TMEM248: variants seen among roughly 807,000 people sequenced by gnomAD.
TMEM248 encodes UPF0458 protein C7orf42.
A neutral mutation model predicts 30.3 loss-of-function variants in TMEM248; 9 were observed. The ratio of observed to expected loss-of-function variants is 0.30; its 90% CI spans 0.18 to 0.52. TMEM248 has a LOEUF of 0.52. Ranked by LOEUF, TMEM248 falls within the 20% of genes least tolerant of loss-of-function variation. The pLI is 0.97. For synonymous variants in TMEM248, 184 were observed against 154.4 expected, an observed-to-expected ratio of 1.19 and a Z score of -1.42; for missense variants, 338 against 403.3, an observed-to-expected ratio of 0.84 and a Z score of 1.39.
intron 4 of TMEM248, 147 bp from the exon 5 acceptor site, chr7:66,950,805 T>C: frequency 1.8e-6 from 1 of 560,976 alleles, no homozygotes; most frequent in Non-Finnish European, 2.9e-6. Context: ...ATGGTATTTA[T>C]CTCAAAGAAG....
intron 1 of TMEM248, among the ~76,000 whole-genome samples, chr7:66,935,575 C>T (rs1459823372): frequency 6.6e-6 from 1 of 152,214 alleles, no homozygotes; most frequent in Non-Finnish European, 1.5e-5. Flanking sequence ...CGGAGTCTTA[C>T]TTTGTTGTGC....
rs143469057 is a variant in TMEM248, at chr7:66,948,636, G to A, written c.538G>A (p.Val180Met). 5.0e-6 allele frequency: 8 copies of A among 1,614,134 alleles called. No individual in the cohort carries two copies. Among genetic ancestry groups the A allele is most frequent in the Non-Finnish European group, 6.8e-6 (8 of 1,179,988 alleles). The change falls in exon 4 of 7, where the codon GTG (valine) becomes ATG (methionine). Residue 180 changes from valine (V) to methionine (M), a missense_variant. Val to Met is a conservative substitution (Grantham distance 21, BLOSUM62 1). Coordinates refer to ENST00000341567, the MANE Select transcript of TMEM248 (RefSeq NM_017994.5). ...CGCCCTCCACGGTCACTGTGAGCAGGTGGTATTCACAGCCTGCATGACCCT... is the reference window on the plus strand; with the variant it reads ...CGCCCTCCACGGTCACTGTGAGCAGATGGTATTCACAGCCTGCATGACCCT... ...DCALHGHCEQVVFTACMTLTA... is the reference protein window; with the variant it reads ...DCALHGHCEQMVFTACMTLTA...
intron 1 of TMEM248, among the ~76,000 whole-genome samples, chr7:66,931,884 A>G (rs1261579659): frequency 7.1e-6 from 1 of 139,978 alleles, no homozygotes; most frequent in Non-Finnish European, 1.5e-5. Flanking sequence ...GGCTCACTGC[A>G]AGCTCCGTCT....
At chr7:66,927,639 T>TTA (rs1554334825) in intron 1 of TMEM248, among the ~76,000 whole-genome samples, 166 of 150,110 alleles carry the variant, frequency 1.1e-3, no homozygotes, top group Middle Eastern at 3.4e-3. Flanking sequence ...TTTTTTTTTT[T>TTA]AGGGACGGGG....
chr7:66,940,521 C>T (rs1170902206), intron 1 of TMEM248, among the ~76,000 whole-genome samples: 1 of 152,220 alleles, frequency 6.6e-6, no homozygotes, highest in Non-Finnish European at 1.5e-5. Flanking sequence ...CCAAAGCGAT[C>T]CACAGATTCA....
chr7:66,954,282 A>G (rs536435984), intron 6 of TMEM248, among the ~76,000 whole-genome samples: 1 of 151,808 alleles, frequency 6.6e-6, no homozygotes, highest in African/African-American at 2.4e-5. Flanking sequence ...TGTAAATACT[A>G]TGTAAATAGT....
At chr7:66,937,931 G>C (rs1449569886) in intron 1 of TMEM248, among the ~76,000 whole-genome samples, 1 of 152,028 alleles carries the variant, frequency 6.6e-6, no homozygotes, top group Non-Finnish European at 1.5e-5. Context: ...ACTGACTGTT[G>C]GTCAGGCTGG....
intron 1 of TMEM248, among the ~76,000 whole-genome samples, 196 bp downstream of exon 1, chr7:66,921,657 G>T (rs1791388278): frequency 6.6e-6 from 1 of 152,234 alleles, no homozygotes; most frequent in Admixed American, 6.5e-5. Flanking sequence ...CCCCACACTG[G>T]GGTTTGCCCA....
chr7:66,941,142 G>A (rs1288450674), intron 1 of TMEM248, among the ~76,000 whole-genome samples: 1 of 152,054 alleles, frequency 6.6e-6, no homozygotes, highest in East Asian at 1.9e-4. Flanking sequence ...CAGCACTTTG[G>A]GGGGCCAAGG....
intron 1 of TMEM248, among the ~76,000 whole-genome samples, chr7:66,941,593 C>T (rs1301158289): frequency 4.1e-5 from 6 of 146,564 alleles, no homozygotes; most frequent in Admixed American, 7.0e-5. Flanking sequence ...CACACACACA[C>T]ACACAATATT....
intron 5 of TMEM248, 123 bp downstream of exon 5, chr7:66,951,258 T>A: frequency 1.1e-6 from 1 of 912,560 alleles, no homozygotes. Flanking sequence ...TCTGCCACTT[T>A]AGATTTCCAG....
rs369608291 is a variant in TMEM248, at chr7:66,927,624, GTTT to G, written c.-19+6176_-19+6178del. Among the ~76,000 whole-genome samples the G allele has an allele frequency of 1.5e-3, 187 of 126,306 alleles. 1 individual carries two copies. The highest frequency in any genetic ancestry group is 5.2e-3 in the African/African-American group (177 of 34,312). 82.9% of individuals were successfully genotyped at this position (126,306 alleles called of 152,430 possible). ...GCTAATTTTTTTTAATTTGGGTTTTGTTTTTTTTTTTTTTTAGGGACGGGGTCT... is the reference window on the plus strand; with the variant it reads ...GCTAATTTTTTTTAATTTGGGTTTTGTTTTTTTTTTTTAGGGACGGGGTCT... On this transcript the variant is annotated intron_variant, in intron 1 of 6. Transcript: ENST00000341567.
intron 1 of TMEM248, chr7:66,930,833 G>A (rs1434435713): frequency 3.3e-5 from 5 of 152,596 alleles, no homozygotes; most frequent in Non-Finnish European, 7.3e-5. Flanking sequence ...AGACATCACA[G>A]GATATTTGAG....
intron 1 of TMEM248, among the ~76,000 whole-genome samples, chr7:66,932,517 CTT>C (rs375755080): frequency 1.1e-4 from 15 of 142,804 alleles, no homozygotes; most frequent in Admixed American, 2.8e-4. Context: ...TCCCTGAGAA[CTT>C]TTTTTTTTTT....
intron 2 of TMEM248, 108 bp from the exon 3 acceptor site, chr7:66,944,868 G>A (rs1792050755): frequency 8.7e-7 from 1 of 1,145,162 alleles, no homozygotes; most frequent in Admixed American, 2.0e-5. Flanking sequence ...GCTCTGAATT[G>A]TAGTTTGCTG....
chr7:66,947,459 G>A (rs1488390186), intron 3 of TMEM248, among the ~76,000 whole-genome samples: 1 of 152,046 alleles, frequency 6.6e-6, no homozygotes, highest in African/African-American at 2.4e-5. Flanking sequence ...TTGGAGTGCA[G>A]TGGCACAATC....
intron 5 of TMEM248, among the ~76,000 whole-genome samples, chr7:66,953,004 G>C (rs1024777828): frequency 5.3e-5 from 8 of 152,158 alleles, no homozygotes; most frequent in African/African-American, 1.9e-4. Flanking sequence ...CGCTAGGAAG[G>C]CGTGGTGCTC....
chr7:66,938,980 G>C (rs1791877234), intron 1 of TMEM248, among the ~76,000 whole-genome samples: 1 of 152,208 alleles, frequency 6.6e-6, no homozygotes, highest in Non-Finnish European at 1.5e-5. Flanking sequence ...ACTTACCAGA[G>C]GATTCAGGCA....
chr7:66,932,181 G>T (rs1038370251), intron 1 of TMEM248, among the ~76,000 whole-genome samples: 5 of 152,080 alleles, frequency 3.3e-5, no homozygotes. Context: ...TTGCCATTAT[G>T]TATTGGTGAA....
Sources: allele counts gnomAD v4.1 joint callset (sites outside exome capture counted in the v4.1 genomes callset), GRCh38; gene constraint gnomAD v4.1.1; transcripts MANE v1.5; gene names NCBI Gene and HGNC (gene_info 2026-07-23, HGNC 2026-07-21).